Variants in ABCC9 observed in about 807,000 individuals in gnomAD.
ABCC9 encodes the protein ATP-binding cassette sub-family C member 9.
A neutral mutation model predicts 188.3 loss-of-function variants in ABCC9; 95 were observed. The observed-to-expected ratio is 0.50, with a 90% CI of 0.43 to 0.60. ABCC9 has a LOEUF of 0.60. ABCC9 is among the 20% of genes least tolerant of loss of function. The probability of loss-of-function intolerance (pLI) is 0.00; values close to 1 mark genes in which losing one functional copy is unlikely to be tolerated. For synonymous variants in ABCC9, 659 were observed against 652.7 expected, an observed-to-expected ratio of 1.01 and a Z score of -0.15; for missense variants, 1,102 against 1,876.3, an observed-to-expected ratio of 0.59 and a Z score of 7.62.
At chr12:21,855,225 A>G (rs829076) in intron 22 of ABCC9, among the ~76,000 whole-genome samples, 142,029 of 152,176 alleles carry the variant, frequency 0.93, 66,366 homozygotes, top group Middle Eastern at 0.99. Context: ...TTATTTATTT[A>G]TTTATTTATT....
intron 16 of ABCC9, among the ~76,000 whole-genome samples, chr12:21,879,165 G>A (rs190706717): frequency 2.0e-4 from 31 of 152,272 alleles, no homozygotes; most frequent in African/African-American, 7.5e-4. Context: ...TAAATTGAGA[G>A]CACATAGACA....
chr12:21,818,936 C>T (rs1159830715), intron 31 of ABCC9, among the ~76,000 whole-genome samples: 3 of 152,122 alleles, frequency 2.0e-5, no homozygotes, highest in Non-Finnish European at 2.9e-5. Flanking sequence ...ACTAAACCTA[C>T]AGATTTCATG....
intron 22 of ABCC9, among the ~76,000 whole-genome samples, chr12:21,854,333 G>T (rs578023956): frequency 7.0e-4 from 107 of 152,206 alleles, no homozygotes; most frequent in African/African-American, 2.4e-3. Context: ...CCTTATTAAA[G>T]CATTTAGGAG....
At chr12:21,886,440 G>T (rs1946877888) in intron 15 of ABCC9, among the ~76,000 whole-genome samples, 1 of 151,904 alleles carries the variant, frequency 6.6e-6, no homozygotes, top group Non-Finnish European at 1.5e-5. Context: ...CACTGAATTT[G>T]ATCTCCTTTT....
intron 6 of ABCC9, 79 bp from the exon 7 acceptor site, chr12:21,915,989 C>T: frequency 6.9e-7 from 1 of 1,457,144 alleles, no homozygotes; most frequent in Non-Finnish European, 9.3e-7. Context: ...TCAACCTTTT[C>T]TACATTTTCA....
At chr12:21,804,094 C>T (rs911881171) in intron 39 of ABCC9, among the ~76,000 whole-genome samples, 1 of 151,012 alleles carries the variant, frequency 6.6e-6, no homozygotes, top group Non-Finnish European at 1.5e-5. Context: ...TCCATGACAG[C>T]TTCATGTATA....
At chr12:21,924,679 T>C (rs1052217263) in intron 5 of ABCC9, 1 of 152,098 alleles carries the variant, frequency 6.6e-6, no homozygotes, top group African/African-American at 2.4e-5. Context: ...TTATAACCTT[T>C]CTTTTTACCA....
chr12:21,819,405 C>G (rs1942890115), intron 31 of ABCC9, among the ~76,000 whole-genome samples: 1 of 152,112 alleles, frequency 6.6e-6, no homozygotes, highest in South Asian at 2.1e-4. Context: ...GAAGATGTTT[C>G]TCAAATGACC....
intron 31 of ABCC9, among the ~76,000 whole-genome samples, chr12:21,822,227 T>G (rs1375513363): frequency 1.3e-5 from 2 of 152,026 alleles, no homozygotes; most frequent in Non-Finnish European, 2.9e-5. Flanking sequence ...ACTTTCTTTT[T>G]AAAGAAAAAG....
At chr12:21,934,058 A>T (rs1306873614) in intron 3 of ABCC9, 135 bp from the exon 4 acceptor site, 1 of 782,202 alleles carries the variant, frequency 1.3e-6, no homozygotes, top group Non-Finnish European at 2.1e-6. Flanking sequence ...CTAGAGTAGC[A>T]ATGGAAATCC....
At chr12:21,865,914 G>A (rs1945751511) in intron 18 of ABCC9, among the ~76,000 whole-genome samples, 1 of 151,870 alleles carries the variant, frequency 6.6e-6, no homozygotes, top group African/African-American at 2.4e-5. Flanking sequence ...TGAGACAGGT[G>A]GGGTAAAAGA....
chr12:21,811,905 A>G (rs1339170270), intron 36 of ABCC9, 144 bp downstream of exon 36: 5 of 670,766 alleles, frequency 7.5e-6, no homozygotes, highest in Non-Finnish European at 1.1e-5. Flanking sequence ...AGGCTTTTCC[A>G]ATCCAAATTG....
Position 21,910,153 on chromosome 12 carries a change from C to T in ABCC9, c.1320+4G>A. On this transcript the variant is annotated splice_donor_region_variant and intron_variant, in intron 10 of 39. Transcript: ENST00000261200. The stretch of plus-strand genomic sequence containing the variant: ...AAAAATCTTACTTATATTTATCTAC[C>T]TACCTGAACAGGCATAGCCCATAGA... 3 of 1,607,968 alleles carry T rather than the reference C, an allele frequency of 1.9e-6. No individual in the cohort carries two copies. The highest frequency in any genetic ancestry group is 2.6e-6 in the Non-Finnish European group (3 of 1,175,478).
intron 29 of ABCC9, among the ~76,000 whole-genome samples, chr12:21,840,384 C>T (rs543809130): frequency 1.3e-5 from 2 of 152,238 alleles, no homozygotes; most frequent in Admixed American, 1.3e-4. Flanking sequence ...GCGTACAATC[C>T]ATTGTCAATA....
chr12:21,832,698 A>G (rs924653476), intron 30 of ABCC9, among the ~76,000 whole-genome samples: 10 of 152,202 alleles, frequency 6.6e-5, no homozygotes, highest in African/African-American at 2.4e-4. Flanking sequence ...TGCAATCACT[A>G]TGGAAGACAG....
At chr12:21,820,523 C>A (rs1285407649) in intron 31 of ABCC9, among the ~76,000 whole-genome samples, 1 of 151,716 alleles carries the variant, frequency 6.6e-6, no homozygotes, top group African/African-American at 2.4e-5. Flanking sequence ...TATATAAAAC[C>A]TTATATATAG....
intron 2 of ABCC9, among the ~76,000 whole-genome samples, chr12:21,940,048 T>C (rs920086630): frequency 2.0e-5 from 3 of 152,330 alleles, no homozygotes; most frequent in African/African-American, 7.2e-5. Flanking sequence ...TAAAAACACA[T>C]TTAAGTGCTG....
At position 21,825,967 on chromosome 12, in the gene ABCC9, C is replaced by T. The variant is rs80298618; in HGVS notation, c.3669+2991G>A. Among the ~76,000 whole-genome samples, 7 of 152,198 alleles carry T rather than the reference C, an allele frequency of 4.6e-5. No individual in the cohort carries two copies. The East Asian group carries it at 1.4e-3, about 29-fold the overall frequency. ...AAAGAGGAAGGGAGGGGAAAGATAG[C>T]CACAGAAAGCAATGATATCATGTTT... is the stretch of plus-strand genomic sequence containing the variant. On this transcript the variant is annotated intron_variant, in intron 31 of 39. Coordinates refer to ENST00000261200, the MANE Select transcript of ABCC9 (RefSeq NM_020297.4).
intron 13 of ABCC9, among the ~76,000 whole-genome samples, chr12:21,894,929 C>G (rs1410927051): frequency 6.6e-6 from 1 of 152,054 alleles, no homozygotes; most frequent in Non-Finnish European, 1.5e-5. Flanking sequence ...CAGTTAATTC[C>G]CAACCGCTGT....
Sources: gnomAD v4.1 joint callset for allele counts (sites outside exome capture counted in the v4.1 genomes callset) on GRCh38, gnomAD v4.1.1 for gene constraint, MANE v1.5 for transcripts, NCBI Gene and HGNC (gene_info 2026-07-23, HGNC 2026-07-21) for gene names.